The following KCNN1 variants were observed in gnomAD, a reference collection of about 807,000 sequenced individuals.
KCNN1 encodes potassium calcium-activated channel subfamily N member 1.
A neutral mutation model predicts 44.7 loss-of-function variants in KCNN1; 20 were observed. The ratio of observed to expected loss-of-function variants is 0.45; its 90% CI spans 0.32 to 0.65. The LOEUF is 0.65. Ranked by LOEUF, KCNN1 falls within the 30% of genes least tolerant of loss-of-function variation. KCNN1 has a pLI of 0.05. For missense variants in KCNN1, 632 were observed against 785.3 expected (o/e 0.80, Z 2.33); for synonymous variants, 324 against 341.7 (o/e 0.95, Z 0.57).
intron 3 of KCNN1, among the ~76,000 whole-genome samples, chr19:17,975,682 A>G (rs929086599): frequency 6.6e-6 from 1 of 151,290 alleles, no homozygotes; most frequent in Non-Finnish European, 1.5e-5. Context: ...CAGCCTCCCA[A>G]AGTGCTAGGA....
rs528713817 is a variant in KCNN1 at position 17,974,136 on chromosome 19, C to T, written c.248C>T (p.Ser83Leu). 74 of 1,613,248 alleles carry T rather than the reference C, an allele frequency of 4.6e-5. No homozygotes were observed. The East Asian group carries it at 5.1e-4, about 11-fold the overall frequency. ...GATGAGGCCGGCAGGCAGAGAGCCT[C>T]GGGGAAACCCTCAAATGTGGGCCAC... ...EEDEAGRQRA[S>L]GKPSNVGHRL... Residue 83 changes from serine to leucine, a missense_variant, in exon 2 of 10, where the codon TCG becomes TTG. This residue lies in a region of KCNN1 where 235 missense variants were observed against 224.0 expected (regional missense o/e 1.05). Coordinates refer to ENST00000684775, the MANE Select transcript of KCNN1 (RefSeq NM_001386974.1). The surrounding 1 kb of genome is among the most constrained non-coding windows in gnomAD (Gnocchi z 7.3).
At chr19:17,977,680 C>T (rs1041387022) in intron 3 of KCNN1, among the ~76,000 whole-genome samples, 9 of 151,964 alleles carry the variant, frequency 5.9e-5, no homozygotes, top group Non-Finnish European at 8.8e-5. Context: ...TTTAACTAGC[C>T]GACCTCGTTA....
At chr19:17,985,237 G>T (rs2032557016) in intron 4 of KCNN1, 75 bp from the exon 5 acceptor site, 2 of 1,431,782 alleles carry the variant, frequency 1.4e-6, no homozygotes, top group East Asian at 2.6e-5. Context: ...CCCTGGCGCT[G>T]CCCCAGGGGG....
intron 1 of KCNN1, among the ~76,000 whole-genome samples, chr19:17,972,422 C>G (rs1214533805): frequency 6.6e-6 from 1 of 152,190 alleles, no homozygotes; most frequent in South Asian, 2.1e-4. Context: ...TTTCAAATAG[C>G]CTGGCAGGGA....
At position 17,974,210 on chromosome 19, in the gene KCNN1, G is replaced by T; in HGVS notation, c.322G>T (p.Asp108Tyr). Reference sequence around the variant, plus strand: ...CTTCGAGAAGCGGAAGCGCCTCAGCGACTATGCCCTCATTTTCGGCATGTT... The same window carrying T: ...CTTCGAGAAGCGGAAGCGCCTCAGCTACTATGCCCTCATTTTCGGCATGTT... ...ALFEKRKRLS[D>Y]YALIFGMFGI... Residue 108 changes from aspartate to tyrosine, a missense_variant, in exon 2 of 10, where the codon GAC becomes TAC. Around this residue, in one of 3 missense-constraint regions of KCNN1, gnomAD observed 235 missense variants for 224.0 expected, o/e 1.05. Coordinates refer to ENST00000684775, the MANE Select transcript of KCNN1 (RefSeq NM_001386974.1). The surrounding 1 kb of genome is among the most constrained non-coding windows in gnomAD (Gnocchi z 7.3). 1 of 1,612,450 alleles carries T rather than the reference G, an allele frequency of 6.2e-7. No homozygotes were observed. Among genetic ancestry groups the T allele is most frequent in the Non-Finnish European group, 8.5e-7 (1 of 1,179,070 alleles).
intron 4 of KCNN1, 131 bp from the exon 5 acceptor site, chr19:17,985,181 A>G (rs1184079737): frequency 2.4e-6 from 2 of 848,312 alleles, no homozygotes; most frequent in African/African-American, 3.5e-5. Context: ...TCCTGTACCC[A>G]CAGGACATAG....
At chr19:17,996,287 CAG>C (rs1568461686) in intron 9 of KCNN1, among the ~76,000 whole-genome samples, 1 of 151,398 alleles carries the variant, frequency 6.6e-6, no homozygotes, top group Non-Finnish European at 1.5e-5. Context: ...GTCTGGGAGA[CAG>C]AGCAAGACTC....
chr19:17,997,981 G>A (rs2033055903), intron 9 of KCNN1, among the ~76,000 whole-genome samples, 171 bp from the exon 10 acceptor site: 1 of 151,788 alleles, frequency 6.6e-6, no homozygotes. Context: ...CCCAGCAAGG[G>A]ACCTCTGGGG....
chr19:17,961,202 A>C (rs1254381980), intron 2 of KCNN1, among the ~76,000 whole-genome samples: 1 of 148,624 alleles, frequency 6.7e-6, no homozygotes, highest in Admixed American at 6.7e-5. Flanking sequence ...AAAAAAAAAA[A>C]AAAACCCAGA....
intron 7 of KCNN1, among the ~76,000 whole-genome samples, chr19:17,990,359 C>A (rs927677958): frequency 7.3e-5 from 11 of 151,074 alleles, no homozygotes; most frequent in African/African-American, 2.7e-4. Context: ...TGGTGTGCCT[C>A]TGTGGTCCCA....
At chr19:17,975,239 C>A in intron 3 of KCNN1, 52 bp downstream of exon 3, 2 of 1,360,164 alleles carry the variant, frequency 1.5e-6, no homozygotes, top group Non-Finnish European at 2.1e-6. Flanking sequence ...CCCCAGATCC[C>A]CCCACACCAG....
intron 7 of KCNN1, among the ~76,000 whole-genome samples, chr19:17,990,695 G>A (rs1165826841): frequency 6.6e-6 from 1 of 150,954 alleles, no homozygotes; most frequent in Non-Finnish European, 1.5e-5. Flanking sequence ...AGCTACTCGG[G>A]AGGCTGAGGC....
chr19:17,959,262 T>C (rs1218521689), intron 2 of KCNN1, among the ~76,000 whole-genome samples: 2 of 150,554 alleles, frequency 1.3e-5, no homozygotes, highest in East Asian at 3.9e-4. Flanking sequence ...TGTTTTGTTT[T>C]GTTTTGTTTT....
At chr19:17,997,326 C>G (rs2033033265) in intron 9 of KCNN1, among the ~76,000 whole-genome samples, 1 of 152,160 alleles carries the variant, frequency 6.6e-6, no homozygotes, top group Non-Finnish European at 1.5e-5. Flanking sequence ...CTGCTGTTCC[C>G]CAGCCTGGAG....
chr19:17,998,190 CGCTCAGCACGAGGAGCTGGAG>C lies in KCNN1; in HGVS notation c.1419_1439del (p.Gln474_Ala480del). 1 of 1,598,726 alleles carries C rather than the reference CGCTCAGCACGAGGAGCTGGAG, an allele frequency of 6.3e-7. No homozygotes were observed. On this transcript the variant is annotated inframe_deletion, in exon 10 of 10. Transcript: ENST00000684775. This position sits in a 1 kb window ranked among gnomAD's most constrained non-coding sequence, Gnocchi z 5.4. ...TGTACGACCTTGTATCGGAGCTGCA[CGCTCAGCACGAGGAGCTGGAG>C]GCCCGCCTGGCCACCCTGGAAAGCC...
At chr19:17,975,027 G>T in intron 2 of KCNN1, 65 bp from the exon 3 acceptor site, 2 of 1,286,846 alleles carry the variant, frequency 1.6e-6, no homozygotes, top group Non-Finnish European at 1.1e-6. Context: ...CAGGGTAAGG[G>T]GATGGGAGGG....
upstream of KCNN1, among the ~76,000 whole-genome samples, chr19:17,963,031 A>G (rs1416840669): frequency 2.4e-4 from 16 of 67,526 alleles, no homozygotes; most frequent in Admixed American, 6.5e-4. Flanking sequence ...TTTGAGACGG[A>G]GTCTTGCTCT....
rs949778867 is a variant in KCNN1 at position 17,999,901 on chromosome 19, C to T, written c.*1495C>T. On this transcript the variant is annotated 3_prime_UTR_variant, in exon 10 of 10. Transcript: ENST00000684775. The stretch of plus-strand genomic sequence containing the variant: ...AGGGTATGAGGAGGTGCTGGTCAGA[C>T]CCGGGTTCGAGTCCTGACTCTGCCA... 2 of 452,784 alleles carry T rather than the reference C, an allele frequency of 4.4e-6. No homozygotes were observed. The highest frequency in any genetic ancestry group is 8.9e-6 in the Non-Finnish European group (2 of 225,550). 28.0% of individuals were successfully genotyped at this position (452,784 alleles called of 1,614,324 possible).
rs565285734 is a variant in KCNN1 at position 17,981,843 on chromosome 19, G to A, written c.633G>A (p.Ala211=). 1.7e-5 allele frequency: 27 copies of A among 1,612,674 alleles called. No individual in the cohort carries two copies. The highest frequency in any genetic ancestry group is 2.2e-5 in the Non-Finnish European group (26 of 1,179,362). ...GCCACTACCGCTTCACGTGGACGGC[G>A]CGGCTGGCCTTCACGTACGCGCCCT... The part of the protein sequence containing the change: ...VPGHYRFTWT[A]RLAFTYAPSV... The change falls in exon 4 of 10, where the codon GCG becomes GCA. Residue 211 remains alanine (A), a synonymous_variant. Transcript: ENST00000684775.
Sources: allele counts gnomAD v4.1 joint callset (sites outside exome capture counted in the v4.1 genomes callset), GRCh38; gene constraint gnomAD v4.1.1; regional missense constraint gnomAD v4.1.1; non-coding constraint Gnocchi (gnomAD v3.1); transcripts MANE v1.5; gene names NCBI Gene and HGNC (gene_info 2026-07-23, HGNC 2026-07-21).